The following CNTN4 variants were observed in gnomAD, a reference collection of about 807,000 sequenced individuals.
The protein encoded by CNTN4 is contactin-4.
Under a neutral mutation model 122.5 loss-of-function variants are expected in CNTN4, and 77 were observed. That is an observed-to-expected ratio of 0.63 (90% CI 0.52 to 0.76). The LOEUF (loss-of-function observed/expected upper bound fraction) is 0.76, where lower values mean the gene tolerates loss of function less well. Among genes scored for constraint, CNTN4 ranks in the 30% least tolerant of loss-of-function variants. The pLI is 0.00. For synonymous variants in CNTN4, 512 were observed against 447.0 expected (o/e 1.15, Z -1.83); for missense variants, 1,256 against 1,259.1 (o/e 1.00, Z 0.04).
chr3:2,483,780 A>G (rs929487675), intron 3 of CNTN4, among the ~76,000 whole-genome samples: 14 of 152,132 alleles, frequency 9.2e-5, no homozygotes, highest in Non-Finnish European at 1.6e-4. Flanking sequence ...GGCCTCCCCA[A>G]CCATGTGGAA....
At chr3:3,026,530 T>TC (rs1202657052) in intron 15 of CNTN4, among the ~76,000 whole-genome samples, 19 of 152,122 alleles carry the variant, frequency 1.2e-4, no homozygotes. Context: ...AAACTAAGGC[T>TC]CACAGGCATT....
intron 3 of CNTN4, among the ~76,000 whole-genome samples, chr3:2,370,951 A>C (rs1024987170): frequency 6.6e-6 from 1 of 152,222 alleles, no homozygotes. Flanking sequence ...ATTTAAAAGC[A>C]CCAAACTAAG....
At chr3:2,805,692 G>A (rs2092449642) in intron 6 of CNTN4, among the ~76,000 whole-genome samples, 1 of 152,062 alleles carries the variant, frequency 6.6e-6, no homozygotes, top group Non-Finnish European at 1.5e-5. Flanking sequence ...GGGCCGAGGT[G>A]GAGATTGAGA....
intron 3 of CNTN4, among the ~76,000 whole-genome samples, chr3:2,525,943 C>T (rs1257943070): frequency 6.6e-6 from 1 of 152,076 alleles, no homozygotes; most frequent in African/African-American, 2.4e-5. Context: ...ACCCCCATTG[C>T]TACTACAAAT....
chr3:2,516,816 C>T (rs767211662), intron 3 of CNTN4, among the ~76,000 whole-genome samples: 10 of 152,008 alleles, frequency 6.6e-5, no homozygotes, highest in Admixed American at 2.6e-4. Flanking sequence ...TTTAGAGAAG[C>T]TGACTATGCC....
In CNTN4 at chr3:2,924,212, T is replaced by G. The variant is rs972586853; in HGVS notation, c.1208-1417T>G. Among the ~76,000 whole-genome samples, 5 of 152,302 alleles carry G rather than the reference T, an allele frequency of 3.3e-5. No homozygotes were observed. The East Asian group carries it at 7.7e-4, about 23-fold the overall frequency. ...CGAAAGTATTTCCACAACAAAAGAA[T>G]GTAATCAAGATTTGACTTGCTTCCA... is the stretch of plus-strand genomic sequence containing the variant. On this transcript the variant is annotated intron_variant, in intron 12 of 24. Coordinates refer to ENST00000418658, the MANE Select transcript of CNTN4 (RefSeq NM_175607.3).
At chr3:2,232,178 G>C (rs903008443) in intron 2 of CNTN4, among the ~76,000 whole-genome samples, 6 of 152,100 alleles carry the variant, frequency 3.9e-5, no homozygotes, top group African/African-American at 1.2e-4. Context: ...ACAATGACCT[G>C]AACCAGAAAT....
chr3:2,816,435 G>A (rs115728741), intron 6 of CNTN4, among the ~76,000 whole-genome samples: 4,476 of 152,030 alleles, frequency 0.029, 108 homozygotes, highest in Non-Finnish European at 0.043. Context: ...GGGGAAGAGT[G>A]GGAAGTGGGG....
intron 2 of CNTN4, among the ~76,000 whole-genome samples, chr3:2,309,709 C>G (rs1050369411): frequency 6.6e-6 from 1 of 151,998 alleles, no homozygotes; most frequent in Non-Finnish European, 1.5e-5. Flanking sequence ...TTTTGGAACA[C>G]TTCAATATTT....
intron 3 of CNTN4, among the ~76,000 whole-genome samples, chr3:2,550,338 CAT>C (rs1223026031): frequency 9.9e-5 from 15 of 152,142 alleles, no homozygotes; most frequent in Admixed American, 2.6e-4. Flanking sequence ...GGCCAACAAA[CAT>C]ATGAAAAAAA....
At chr3:2,969,660 C>T (rs1692698132) in intron 13 of CNTN4, among the ~76,000 whole-genome samples, 1 of 152,130 alleles carries the variant, frequency 6.6e-6, no homozygotes, top group Admixed American at 6.5e-5. Context: ...GGTTATCACA[C>T]AGCCTTTTAT....
At chr3:2,642,175 A>G (rs762516533) in intron 4 of CNTN4, among the ~76,000 whole-genome samples, 2 of 152,220 alleles carry the variant, frequency 1.3e-5, no homozygotes, top group Non-Finnish European at 2.9e-5. Flanking sequence ...CCTTCAGTCT[A>G]TGGTTGAAGG....
chr3:2,167,667 C>T (rs1478166826), intron 2 of CNTN4, among the ~76,000 whole-genome samples: 1 of 152,098 alleles, frequency 6.6e-6, no homozygotes, highest in Non-Finnish European at 1.5e-5. Flanking sequence ...AAGCTTTTTA[C>T]CTTGTCATTT....
rs558796277 is a variant in CNTN4 at position 3,001,708 on chromosome 3, G to GA, written c.1486+13243dup. Among the ~76,000 whole-genome samples, 194 of 152,116 alleles carry GA rather than the reference G, an allele frequency of 1.3e-3. 2 individuals are homozygous for GA. Among genetic ancestry groups the GA allele is most frequent in the African/African-American group, 4.2e-3 (175 of 41,526 alleles). ...TATTAAGTGGGTCTCATTGCTCTAT[G>GA]AAAAAAAGCCAGCTCTTGATTATTT... is the stretch of plus-strand genomic sequence containing the variant. On this transcript the variant is annotated intron_variant, in intron 14 of 24. Transcript: ENST00000418658.
At chr3:2,109,968 C>T (rs1043497573) in intron 2 of CNTN4, among the ~76,000 whole-genome samples, 2 of 152,168 alleles carry the variant, frequency 1.3e-5, no homozygotes, top group African/African-American at 4.8e-5. Flanking sequence ...ACAAGGTCAT[C>T]TAGAATTCTT....
At chr3:2,543,429 T>C (rs548725322) in intron 3 of CNTN4, among the ~76,000 whole-genome samples, 4 of 152,178 alleles carry the variant, frequency 2.6e-5, no homozygotes, top group Admixed American at 2.6e-4. Flanking sequence ...TCTTAGTGCT[T>C]GTTCCACTTA....
chr3:2,835,669 G>T (rs2093209322), intron 7 of CNTN4, among the ~76,000 whole-genome samples: 1 of 151,886 alleles, frequency 6.6e-6, no homozygotes, highest in African/African-American at 2.4e-5. Flanking sequence ...TACCTACTGG[G>T]TCAAAGAAAA....
chr3:2,120,083 G>C (rs1028949744), intron 2 of CNTN4, among the ~76,000 whole-genome samples: 1 of 151,738 alleles, frequency 6.6e-6, no homozygotes, highest in African/African-American at 2.4e-5. Context: ...AGGGGCAGTA[G>C]GTAAGTAAGA....
intron 4 of CNTN4, among the ~76,000 whole-genome samples, chr3:2,579,549 C>G (rs1480571056): frequency 6.6e-6 from 1 of 150,492 alleles, no homozygotes; most frequent in African/African-American, 2.4e-5. Context: ...TTTTTTTTAT[C>G]TGTAAAACAG....
Sources: gnomAD v4.1 joint callset for allele counts (sites outside exome capture counted in the v4.1 genomes callset) on GRCh38, gnomAD v4.1.1 for gene constraint, MANE v1.5 for transcripts, NCBI Gene and HGNC (gene_info 2026-07-23, HGNC 2026-07-21) for gene names.